The following ITGA7 variants were observed in gnomAD, a reference collection of about 807,000 sequenced individuals.
The protein encoded by ITGA7 is integrin alpha-7.
A neutral mutation model predicts 131.6 loss-of-function variants in ITGA7; 84 were observed. That is an observed-to-expected ratio of 0.64 (90% CI 0.54 to 0.77). ITGA7 has a LOEUF of 0.77. ITGA7 is among the 30% of genes least tolerant of loss of function. The pLI, the probability that ITGA7 is intolerant of heterozygous loss-of-function variation, is 0.00. For synonymous variants in ITGA7, 548 were observed against 600.7 expected (o/e 0.91, Z 1.28); for missense variants, 1,399 against 1,482.9 (o/e 0.94, Z 0.93).
upstream of ITGA7, among the ~76,000 whole-genome samples, chr12:55,710,390 T>A (rs1206149510): frequency 1.3e-5 from 2 of 150,546 alleles, no homozygotes; most frequent in Non-Finnish European, 3.0e-5. Context: ...ACTAGAAGGA[T>A]CCAGAGAATG....
chr12:55,716,117 C>T, upstream of ITGA7: 3 of 1,608,080 alleles, frequency 1.9e-6, no homozygotes, highest in Admixed American at 1.7e-5. Context: ...GCGTACCCAG[C>T]CCCCAGCCCG....
At chr12:55,716,107 G>A (rs753945618), upstream of ITGA7, 11 of 1,603,180 alleles carry the variant, frequency 6.9e-6, no homozygotes, top group East Asian at 1.8e-4. Context: ...AGGGGGCCCG[G>A]CGTACCCAGC....
In ITGA7 at chr12:55,692,897, T is replaced by C; in HGVS notation, c.2791A>G (p.Ser931Gly). The change falls in exon 21 of 25, where the codon AGC becomes GGC. Residue 931 changes from serine to glycine, a missense_variant. Ser to Gly is a moderately conservative substitution (Grantham distance 56). Transcript: ENST00000257879. ...GAGGACACTGGCCACCAGGACATGC[T>C]GGGCTCCTGCCGCTCACCAGGCTCC... ...QQEPGERQEPSMSWWPVSSAE... is the reference protein window; with the variant it reads ...QQEPGERQEPGMSWWPVSSAE... The C allele has an allele frequency of 6.2e-7, 1 of 1,614,124 alleles. No homozygotes were observed. Among genetic ancestry groups the C allele is most frequent in the Non-Finnish European group, 8.5e-7 (1 of 1,180,004 alleles).
upstream of ITGA7, among the ~76,000 whole-genome samples, chr12:55,710,179 G>A (rs1034438736): frequency 4.6e-5 from 7 of 151,832 alleles, no homozygotes; most frequent in East Asian, 3.9e-4. Context: ...GGACCAACAC[G>A]GTGAAACCCT....
At chr12:55,693,685 C>T (rs1206657988) in intron 19 of ITGA7, among the ~76,000 whole-genome samples, 1 of 152,122 alleles carries the variant, frequency 6.6e-6, no homozygotes, top group Non-Finnish European at 1.5e-5. Flanking sequence ...TGAGGAGAGG[C>T]CCCAGCCAAG....
intron 10 of ITGA7, 70 bp downstream of exon 10, chr12:55,697,381 G>C: frequency 6.3e-7 from 1 of 1,587,124 alleles, no homozygotes. Context: ...CCCCAAACTG[G>C]GGAGATAAAG....
rs1870594047 is a variant in ITGA7 at position 55,687,972 on chromosome 12, T to G, written c.3182A>C (p.Lys1061Thr). ...ATCAGCCCCACCTCCAAGCCTCACC[T>G]TCCACAGGAGCAGCACCAGCAGTGC... The part of the protein sequence containing the change: ...VLALLVLLLW[K>T]MGFFKRAKHP... Residue 1061 changes from lysine (K) to threonine (T), a missense_variant and splice_region_variant, in exon 24 of 25, where the codon AAG (lysine) becomes ACG (threonine). Lys to Thr is a moderately conservative substitution (Grantham distance 78, BLOSUM62 -1). Coordinates refer to ENST00000257879, the MANE Select transcript of ITGA7 (RefSeq NM_002206.3). The G allele has an allele frequency of 7.4e-6, 12 of 1,614,006 alleles. No individual in the cohort carries two copies. Among genetic ancestry groups the G allele is most frequent in the Non-Finnish European group, 1.0e-5 (12 of 1,180,032 alleles).
chr12:55,707,019 G>C (rs954636615), intron 1 of ITGA7, among the ~76,000 whole-genome samples: 24 of 152,204 alleles, frequency 1.6e-4, no homozygotes, highest in African/African-American at 5.6e-4. Context: ...CAATGCTCTA[G>C]CAGGAAGTTA....
At position 55,697,278 on chromosome 12, in the gene ITGA7, C is replaced by A; in HGVS notation, c.1506-1G>T. The A allele has an allele frequency of 6.3e-7, 1 of 1,592,580 alleles. No homozygotes were observed. The highest frequency in any genetic ancestry group is 8.6e-7 in the Non-Finnish European group (1 of 1,169,544). On this transcript the variant is annotated splice_acceptor_variant, in intron 10 of 24. Transcript: ENST00000257879. LOFTEE classifies it high-confidence loss of function. ...GCTGAAACAGACCCTTAGGTCCACA[C>A]TGCGGGGGCAAAGGTGGCTCCTGAG...
intron 3 of ITGA7, among the ~76,000 whole-genome samples, chr12:55,702,123 C>T (rs966508071): frequency 6.6e-6 from 1 of 152,080 alleles, no homozygotes; most frequent in Non-Finnish European, 1.5e-5. Flanking sequence ...TCAAGTGATT[C>T]TCCTACCTCA....
intron 4 of ITGA7, 120 bp downstream of exon 4, chr12:55,700,779 G>A: frequency 6.9e-6 from 9 of 1,309,014 alleles, no homozygotes; most frequent in Non-Finnish European, 8.7e-6. Context: ...GCATGGCAGT[G>A]CCCTGGGGCC....
upstream of ITGA7, among the ~76,000 whole-genome samples, chr12:55,714,516 T>C (rs1389727868): frequency 2.5e-5 from 2 of 79,660 alleles, no homozygotes; most frequent in African/African-American, 1.7e-4. Flanking sequence ...AGACTCCGTC[T>C]CAAAAAAAAA....
In ITGA7 at chr12:55,696,358, T is replaced by A; in HGVS notation, c.1812A>T (p.Arg604=). The A allele has an allele frequency of 6.3e-7, 1 of 1,591,352 alleles. No homozygotes were observed. The highest frequency in any genetic ancestry group is 8.6e-7 in the Non-Finnish European group (1 of 1,167,686). ...GAGGCAGCCCCTGGCCAGGAGCCTG[T>A]CGCCGGAGCCGAGGGGTCTGGAGAC... The part of the protein sequence containing the change: ...SYSLQTPRLR[R]QAPGQGLPPV... Residue 604 remains arginine, a synonymous_variant, in exon 13 of 25, where the codon CGA becomes CGT. Coordinates refer to ENST00000257879, the MANE Select transcript of ITGA7 (RefSeq NM_002206.3).
upstream of ITGA7, chr12:55,715,893 T>C: frequency 1.1e-6 from 1 of 913,510 alleles, no homozygotes; most frequent in South Asian, 2.0e-5. Flanking sequence ...ATATAAGTAT[T>C]AGAAAATACT....
chr12:55,685,293 A>C lies in ITGA7; in HGVS notation c.3184-5T>G, dbSNP rs1434234473. The stretch of plus-strand genomic sequence containing the variant: ...CGCCCGTTTGAAGAATCCCATCTAT[A>C]AGGACACCAGGCCAGACCATGAGGA... On this transcript the variant is annotated splice_region_variant and splice_polypyrimidine_tract_variant and intron_variant, in intron 24 of 24. Transcript: ENST00000257879. 1.2e-6 allele frequency: 2 copies of C among 1,613,648 alleles called. No individual in the cohort carries two copies. Among genetic ancestry groups the C allele is most frequent in the African/African-American group, 2.7e-5 (2 of 74,930 alleles).
rs1872974116 is a variant in ITGA7, at chr12:55,697,779, G to A, written c.1325C>T (p.Ser442Phe). 1 of 1,614,092 alleles carries A rather than the reference G, an allele frequency of 6.2e-7. No individual in the cohort carries two copies. The part of the protein sequence containing the change: ...EAVGIKSFGY[S>F]LSGSLDMDGN... ...ATCCATATCCAAGCTGCCTGACAGG[G>A]AGTAGCCGAAGCTCTTGATGCCCAC... The change falls in exon 9 of 25, where the codon TCC becomes TTC. Residue 442 changes from serine to phenylalanine, a missense_variant. Coordinates refer to ENST00000257879, the MANE Select transcript of ITGA7 (RefSeq NM_002206.3).
upstream of ITGA7, among the ~76,000 whole-genome samples, chr12:55,709,940 G>A (rs1411332635): frequency 6.6e-6 from 1 of 152,236 alleles, no homozygotes; most frequent in Non-Finnish European, 1.5e-5. Context: ...GGGCAAAGGA[G>A]GGAGGGGAAC....
chr12:55,691,268 A>G (rs1565615607), intron 21 of ITGA7, among the ~76,000 whole-genome samples: 1 of 152,230 alleles, frequency 6.6e-6, no homozygotes, highest in Non-Finnish European at 1.5e-5. Flanking sequence ...AGTTGAACTC[A>G]TAGAAGTAGA....
chr12:55,700,742 G>T, intron 4 of ITGA7, 157 bp downstream of exon 4: 1 of 934,746 alleles, frequency 1.1e-6, no homozygotes, highest in Non-Finnish European at 1.6e-6. Context: ...CCCCATTCAT[G>T]TGTGCACTAG....
Sources: allele counts gnomAD v4.1 joint callset (sites outside exome capture counted in the v4.1 genomes callset), GRCh38; gene constraint gnomAD v4.1.1; transcripts MANE v1.5; gene names NCBI Gene and HGNC (gene_info 2026-07-23, HGNC 2026-07-21).